The following EPM2A variants were observed in gnomAD, a reference collection of about 807,000 sequenced individuals.
The protein encoded by EPM2A is laforin.
Under a neutral mutation model 26.5 loss-of-function variants are expected in EPM2A, and 21 were observed. The observed-to-expected ratio is 0.79, with a 90% CI of 0.56 to 1.14. EPM2A has a LOEUF of 1.14. Ranked by LOEUF, EPM2A falls within the 50% of genes most tolerant of loss-of-function variation. EPM2A has a pLI of 0.00. For synonymous variants in EPM2A, 217 were observed against 177.6 expected, an observed-to-expected ratio of 1.22 and a Z score of -1.76; for missense variants, 458 against 440.8, an observed-to-expected ratio of 1.04 and a Z score of -0.35.
chr6:145,645,622 A>G (rs1409659887), intron 2 of EPM2A, among the ~76,000 whole-genome samples: 1 of 151,138 alleles, frequency 6.6e-6, no homozygotes, highest in East Asian at 1.9e-4. Flanking sequence ...TTTTTTTGAG[A>G]CAAGGTCTGG....
At chr6:145,416,466 C>T (rs1778709730) in intron 4 of EPM2A, among the ~76,000 whole-genome samples, 1 of 151,936 alleles carries the variant, frequency 6.6e-6, no homozygotes, top group Admixed American at 6.6e-5. Flanking sequence ...TGAATTCTTC[C>T]TATTACCCAG....
intron 2 of EPM2A, among the ~76,000 whole-genome samples, chr6:145,553,874 G>GAT (rs544240066): frequency 6.2e-5 from 9 of 146,218 alleles, no homozygotes; most frequent in East Asian, 4.0e-4. Flanking sequence ...TATATTACTT[G>GAT]ATATATATAT....
chr6:145,578,927 C>T (rs1428999630), intron 2 of EPM2A, among the ~76,000 whole-genome samples: 1 of 151,820 alleles, frequency 6.6e-6, no homozygotes, highest in Admixed American at 6.6e-5. Flanking sequence ...CACATGTTCT[C>T]ACTCATAGGT....
chr6:145,646,572 AC>A (rs1322674338), intron 2 of EPM2A, among the ~76,000 whole-genome samples: 6 of 151,998 alleles, frequency 3.9e-5, no homozygotes, highest in African/African-American at 1.4e-4. Flanking sequence ...ATTTATTCTT[AC>A]CATGCTTCCG....
At chr6:145,542,216 T>A (rs1422156345) in intron 2 of EPM2A, among the ~76,000 whole-genome samples, 1 of 152,220 alleles carries the variant, frequency 6.6e-6, no homozygotes, top group Non-Finnish European at 1.5e-5. Flanking sequence ...TTTCTCTGCT[T>A]CCCAAATTTC....
chr6:145,536,959 C>G (rs1780440220), intron 2 of EPM2A, among the ~76,000 whole-genome samples: 1 of 152,040 alleles, frequency 6.6e-6, no homozygotes, highest in Non-Finnish European at 1.5e-5. Context: ...CATGGGAAAG[C>G]TGTAGGTGGG....
intron 2 of EPM2A, among the ~76,000 whole-genome samples, chr6:145,581,958 T>C (rs530039271): frequency 9.2e-5 from 14 of 152,310 alleles, no homozygotes; most frequent in African/African-American, 2.9e-4. Flanking sequence ...CATAGATATG[T>C]TCATAATAGT....
chr6:145,504,394 A>G (rs1257665726), intron 2 of EPM2A, among the ~76,000 whole-genome samples: 1 of 136,566 alleles, frequency 7.3e-6, no homozygotes, highest in South Asian at 2.7e-4. Context: ...AAACAAATTT[A>G]CAAGAAAAAA....
intron 2 of EPM2A, among the ~76,000 whole-genome samples, chr6:145,672,196 T>A (rs1779695055): frequency 6.6e-6 from 1 of 152,224 alleles, no homozygotes; most frequent in Non-Finnish European, 1.5e-5. Context: ...TTAATATTTA[T>A]TGAGCTATTT....
rs78650246 is a variant in EPM2A, at chr6:145,428,437, C to T, written c.556-44340G>A. Among the ~76,000 whole-genome samples the T allele has an allele frequency of 2.0e-3, 310 of 152,278 alleles. 1 individual carries two copies. Among genetic ancestry groups the T allele is most frequent in the African/African-American group, 7.1e-3 (296 of 41,556 alleles). On this transcript the variant is annotated intron_variant, in intron 4 of 4. Transcript: ENST00000638717. ...GCATAGCTGAACCACTCCTTCCCAA[C>T]GAGCGGTTAATCTATTGTTTTGAAC... is the stretch of plus-strand genomic sequence containing the variant.
chr6:145,562,120 AC>A (rs1172823890), intron 2 of EPM2A, among the ~76,000 whole-genome samples: 46 of 127,432 alleles, frequency 3.6e-4, no homozygotes, highest in African/African-American at 1.2e-3. Flanking sequence ...TCTTTTGATT[AC>A]AAAAAGGAAA....
chr6:145,387,305 G>A (rs1562315862), intron 4 of EPM2A, among the ~76,000 whole-genome samples: 2 of 152,064 alleles, frequency 1.3e-5, no homozygotes, highest in African/African-American at 4.8e-5. Context: ...TAATGATGAG[G>A]GTTCTGCATG....
chr6:145,612,304 GAC>G (rs1372766858), intron 2 of EPM2A, among the ~76,000 whole-genome samples: 2 of 152,036 alleles, frequency 1.3e-5, no homozygotes, highest in Non-Finnish European at 2.9e-5. Flanking sequence ...TTTAAAATAA[GAC>G]AGATAAATGG....
At chr6:145,501,535 G>A, downstream of EPM2A, 1 of 263,804 alleles carries the variant, frequency 3.8e-6, no homozygotes, top group Non-Finnish European at 7.5e-6. Context: ...TGACATAACT[G>A]GTAGACTTGT....
At chr6:145,673,719 G>C (rs1038585838) in intron 2 of EPM2A, among the ~76,000 whole-genome samples, 2 of 152,156 alleles carry the variant, frequency 1.3e-5, no homozygotes, top group Non-Finnish European at 1.5e-5. Flanking sequence ...AGCCTGGTGG[G>C]GGGAGGGGAG....
chr6:145,568,592 G>A (rs1407258296), intron 2 of EPM2A, among the ~76,000 whole-genome samples: 1 of 152,148 alleles, frequency 6.6e-6, no homozygotes, highest in Admixed American at 6.5e-5. Flanking sequence ...CAAAGTGCTA[G>A]GATTACAGGC....
At chr6:145,417,756 C>T (rs1292971059) in intron 4 of EPM2A, among the ~76,000 whole-genome samples, 3 of 152,106 alleles carry the variant, frequency 2.0e-5, no homozygotes, top group Non-Finnish European at 2.9e-5. Flanking sequence ...ACAGTTGAGG[C>T]GGCTGCCCCC....
chr6:145,623,117 T>C (rs117295077), downstream of EPM2A, among the ~76,000 whole-genome samples: 1,650 of 152,314 alleles, frequency 0.011, 13 homozygotes, highest in Admixed American at 0.018. Context: ...CCTTCACTCA[T>C]TTAACTATGT....
intron 2 of EPM2A, among the ~76,000 whole-genome samples, chr6:145,511,110 C>CAATCAGAAAAGGCCCTGGACCAA (rs556836896): frequency 0.019 from 2,866 of 151,662 alleles, 40 homozygotes; most frequent in Admixed American, 0.038. Context: ...AAACACCTAC[C>CAATCAGAAAAGGCCCTGGACCAA]AATCAGAAAA....
Sources: allele counts gnomAD v4.1 joint callset (sites outside exome capture counted in the v4.1 genomes callset), GRCh38; gene constraint gnomAD v4.1.1; transcripts MANE v1.5; gene names NCBI Gene and HGNC (gene_info 2026-07-23, HGNC 2026-07-21).